DNAJA2: variants seen among roughly 807,000 people sequenced by gnomAD.
DNAJA2 encodes DnaJ heat shock protein family (Hsp40) member A2.
DNAJA2 carries 6 observed loss-of-function variants against 49.3 expected under a neutral mutation model. The ratio of observed to expected loss-of-function variants is 0.12; its 90% CI spans 0.07 to 0.24. DNAJA2 has a LOEUF of 0.24. Among genes scored for constraint, DNAJA2 ranks in the 10% least tolerant of loss-of-function variants. The pLI is 1.00. For synonymous variants in DNAJA2, 160 were observed against 172.7 expected (o/e 0.93, Z 0.58); for missense variants, 347 against 516.8 (o/e 0.67, Z 3.19).
rs370920569 is a variant in DNAJA2, at chr16:46,959,256, G to A, written c.919+19C>T. On this transcript the variant is annotated intron_variant, in intron 7 of 8. Coordinates refer to ENST00000317089, the MANE Select transcript of DNAJA2 (RefSeq NM_005880.4). The stretch of plus-strand genomic sequence containing the variant: ...TCAAAAATACTTGAAAACCAGAATC[G>A]GACAAAATCAAGATTTACCTGGTTC... 3.6e-5 allele frequency: 57 copies of A among 1,596,472 alleles called. No individual in the cohort carries two copies. The Middle Eastern group carries it at 3.8e-3, about 108-fold the overall frequency.
In DNAJA2 at chr16:46,973,516, G is replaced by A; in HGVS notation, c.57C>T (p.Ala19=). 6.2e-7 allele frequency: 1 copy of A among 1,602,880 alleles called. No individual in the cohort carries two copies. The highest frequency in any genetic ancestry group is 8.5e-7 in the Non-Finnish European group (1 of 1,177,604). The change falls in exon 1 of 9, where the codon GCC becomes GCT. Residue 19 remains alanine, a synonymous_variant. Transcript: ENST00000317089. ...ATACCTTCTTCAGCTCGTTCTCGCT[G>A]GCGCCGGGCGGGACGCCCAGGATGT... ...LYDILGVPPG[A]SENELKKAYR...
chr16:46,961,588 A>AAAAAAAAAGAAAAGGGAACAGGAAG (rs1961896281), intron 6 of DNAJA2, among the ~76,000 whole-genome samples: 1 of 152,046 alleles, frequency 6.6e-6, no homozygotes, highest in Admixed American at 6.6e-5. Flanking sequence ...TCTCAAAAAA[A>AAAAAAAAAGAAAAGGGAACAGGAAG]AAAAAAAGAA....
rs542243176 is a variant in DNAJA2 at position 46,967,788 on chromosome 16, A to G, written c.444-142T>C. On this transcript the variant is annotated intron_variant, in intron 4 of 8. Coordinates refer to ENST00000317089, the MANE Select transcript of DNAJA2 (RefSeq NM_005880.4). Reference sequence around the variant, plus strand: ...TTGACTTCCAGAAGTATCAGAAAACATTCTGCTAAGATTTTTTTACTTATT... The same window carrying G: ...TTGACTTCCAGAAGTATCAGAAAACGTTCTGCTAAGATTTTTTTACTTATT... 13 of 1,232,270 alleles carry G rather than the reference A, an allele frequency of 1.1e-5. No homozygotes were observed. The East Asian group carries it at 2.8e-4, about 27-fold the overall frequency. 76.3% of individuals were successfully genotyped at this position (1,232,270 alleles called of 1,614,324 possible).
chr16:46,959,215 C>T (rs1961860842), intron 7 of DNAJA2, 60 bp downstream of exon 7: 4 of 1,580,124 alleles, frequency 2.5e-6, no homozygotes, highest in Non-Finnish European at 3.4e-6. Flanking sequence ...AAAAAAATTA[C>T]AAATTGTAAT....
chr16:46,964,537 C>T, intron 6 of DNAJA2, 74 bp downstream of exon 6: 2 of 1,446,132 alleles, frequency 1.4e-6, no homozygotes, highest in East Asian at 4.6e-5. Context: ...CCAAACAGAT[C>T]TAACCTATTT....
At chr16:46,967,420 A>G in intron 5 of DNAJA2, 93 bp downstream of exon 5, 2 of 1,521,796 alleles carry the variant, frequency 1.3e-6, no homozygotes, top group Non-Finnish European at 1.8e-6. Context: ...GATGTATACA[A>G]ATACCCTTTG....
At chr16:46,973,399 T>C in intron 1 of DNAJA2, 96 bp downstream of exon 1, 1 of 1,144,332 alleles carries the variant, frequency 8.7e-7, no homozygotes, top group South Asian at 2.9e-5. Flanking sequence ...CGGCGCCGGC[T>C]CGCGGGCAGC....
chr16:46,957,279 G>C (rs1158017769), intron 8 of DNAJA2, 59 bp from the exon 9 acceptor site: 30 of 1,438,320 alleles, frequency 2.1e-5, no homozygotes, highest in Non-Finnish European at 3.8e-6. Flanking sequence ...CTTTCCTTTT[G>C]ATACATAGAA....
At chr16:46,972,992 A>C (rs966398112) in intron 1 of DNAJA2, 10 of 151,916 alleles carry the variant, frequency 6.6e-5, no homozygotes, top group African/African-American at 2.2e-4. Context: ...AAACAACCCC[A>C]TCCGCCCGAG....
chr16:46,962,407 A>G (rs141418604), intron 6 of DNAJA2, among the ~76,000 whole-genome samples: 1 of 152,326 alleles, frequency 6.6e-6, no homozygotes, highest in East Asian at 1.9e-4. Flanking sequence ...CTCTGCAAAT[A>G]AGCATTCCTT....
At chr16:46,960,073 C>T (rs1255657692) in intron 6 of DNAJA2, among the ~76,000 whole-genome samples, 1 of 152,252 alleles carries the variant, frequency 6.6e-6, no homozygotes, top group Non-Finnish European at 1.5e-5. Context: ...CACGCCCAAC[C>T]TGCAATTTTT....
chr16:46,971,501 T>C lies in DNAJA2; in HGVS notation c.210A>G (p.Gly70=). ...PEKRELYDRY[G]EQGLREGSGG... Reference sequence around the variant, plus strand: ...CGCTGCCTTCCCGAAGACCTTGCTCTCCGTATCTGTCATATAACTCACGCT... The same window carrying C: ...CGCTGCCTTCCCGAAGACCTTGCTCCCCGTATCTGTCATATAACTCACGCT... Residue 70 remains glycine, a synonymous_variant, in exon 3 of 9, where the codon GGA becomes GGG. Transcript: ENST00000317089. 5.0e-6 allele frequency: 8 copies of C among 1,613,828 alleles called. No homozygotes were observed. Among genetic ancestry groups the C allele is most frequent in the Non-Finnish European group, 6.8e-6 (8 of 1,179,940 alleles).
intron 6 of DNAJA2, among the ~76,000 whole-genome samples, chr16:46,960,317 C>A (rs1482382923): frequency 1.3e-5 from 2 of 152,218 alleles, no homozygotes; most frequent in Non-Finnish European, 2.9e-5. Context: ...CTGCCAGAAA[C>A]AAGGCAGGCA....
intron 8 of DNAJA2, among the ~76,000 whole-genome samples, chr16:46,958,222 C>T (rs952966078): frequency 6.6e-6 from 1 of 151,838 alleles, no homozygotes; most frequent in African/African-American, 2.4e-5. Flanking sequence ...TGCCACTGCA[C>T]GCCAGCCTGG....
rs994092243 is a variant in DNAJA2 at position 46,973,650 on chromosome 16, G to T, written c.-78C>A. 5.5e-6 allele frequency: 8 copies of T among 1,465,066 alleles called. No homozygotes were observed. Among genetic ancestry groups the T allele is most frequent in the African/African-American group, 1.4e-5 (1 of 69,322 alleles). 90.8% of individuals were successfully genotyped at this position (1,465,066 alleles called of 1,614,324 possible). On this transcript the variant is annotated 5_prime_UTR_variant, in exon 1 of 9. Coordinates refer to ENST00000317089, the MANE Select transcript of DNAJA2 (RefSeq NM_005880.4). Reference sequence around the variant, plus strand: ...AGTCGGGCCCACAAGCGGCGTCGGCGGCGGCACAGGCCGAGGGAGACAGCG... The same window carrying T: ...AGTCGGGCCCACAAGCGGCGTCGGCTGCGGCACAGGCCGAGGGAGACAGCG...
intron 3 of DNAJA2, 101 bp downstream of exon 3, chr16:46,971,248 A>G: frequency 1.0e-6 from 1 of 967,170 alleles, no homozygotes; most frequent in Non-Finnish European, 1.5e-6. Flanking sequence ...AGTTTTTCTA[A>G]TGAAGGACAG....
rs1211730275 is a variant in DNAJA2, at chr16:46,957,027, G to GT, written c.*1dup. 6.2e-7 allele frequency: 1 copy of GT among 1,614,202 alleles called. No homozygotes were observed. Among genetic ancestry groups the GT allele is most frequent in the Admixed American group, 1.7e-5 (1 of 60,022 alleles). On this transcript the variant is annotated 3_prime_UTR_variant, in exon 9 of 9. Transcript: ENST00000317089. ...TCCACCTGTGCAATTTGTTTGCAGAGTTTACTGATGGGCACACTGCACTCC... is the reference window on the plus strand; with the variant it reads ...TCCACCTGTGCAATTTGTTTGCAGAGTTTTACTGATGGGCACACTGCACTCC...
At chr16:46,957,455 T>C (rs1286367439) in intron 8 of DNAJA2, among the ~76,000 whole-genome samples, 1 of 151,948 alleles carries the variant, frequency 6.6e-6, no homozygotes, top group African/African-American at 2.4e-5. Context: ...TACAAAAAAT[T>C]AGCCAGGCAT....
intron 1 of DNAJA2, 120 bp downstream of exon 1, chr16:46,973,375 G>A (rs1242721186): frequency 2.8e-5 from 25 of 884,680 alleles, no homozygotes; most frequent in Admixed American, 4.7e-5. Flanking sequence ...CTCCCAGCCC[G>A]GGCCAGTCAC....
Sources: allele counts gnomAD v4.1 joint callset (sites outside exome capture counted in the v4.1 genomes callset), GRCh38; gene constraint gnomAD v4.1.1; transcripts MANE v1.5; gene names NCBI Gene and HGNC (gene_info 2026-07-23, HGNC 2026-07-21).